GAREM2: variants seen among roughly 807,000 people sequenced by gnomAD.
The protein encoded by GAREM2 is GRB2 associated regulator of MAPK1 subtype 2.
In GAREM2, 30 loss-of-function variants were observed where a neutral mutation model predicts 55.6. The ratio of observed to expected loss-of-function variants is 0.54; its 90% confidence interval spans 0.40 to 0.73. The LOEUF (loss-of-function observed/expected upper bound fraction) is 0.73, where lower values mean the gene tolerates loss of function less well. GAREM2 is among the 30% of genes least tolerant of loss of function. The probability of loss-of-function intolerance (pLI) is 0.00; values close to 1 mark genes in which losing one functional copy is unlikely to be tolerated. For synonymous variants in GAREM2, 550 were observed against 569.1 expected (o/e 0.97, Z 0.48); for missense variants, 1,075 against 1,257.7 (o/e 0.85, Z 2.20).
intron 2 of GAREM2, among the ~76,000 whole-genome samples, chr2:26,178,562 C>T (rs1051437733): frequency 7.2e-5 from 11 of 151,916 alleles, no homozygotes; most frequent in African/African-American, 2.7e-4. Context: ...GCATTCCAGC[C>T]TGGGAGACAG....
chr2:26,182,230 G>A, intron 2 of GAREM2: 6 of 1,407,684 alleles, frequency 4.3e-6, no homozygotes, highest in Non-Finnish European at 3.7e-6. Context: ...TGTCTCCTAG[G>A]GGCATGTGCT....
intron 3 of GAREM2, among the ~76,000 whole-genome samples, chr2:26,183,466 GTAATCCCAACA>G (rs112116846): frequency 0.035 from 5,308 of 152,304 alleles, 316 homozygotes; most frequent in African/African-American, 0.12. Flanking sequence ...GCTCATGCCT[GTAATCCCAACA>G]CTTTGGGAGG....
At chr2:26,192,060 G>C (rs543412973), downstream of GAREM2, among the ~76,000 whole-genome samples, 7 of 152,164 alleles carry the variant, frequency 4.6e-5, no homozygotes, top group Non-Finnish European at 8.8e-5. Context: ...AGAGACCAAG[G>C]AGCACGTGCG....
At chr2:26,193,209 G>A (rs1231022030), downstream of GAREM2, among the ~76,000 whole-genome samples, 1 of 151,894 alleles carries the variant, frequency 6.6e-6, no homozygotes, top group Admixed American at 6.5e-5. Context: ...ACTTGGACCA[G>A]GTGATGCTAG....
At chr2:26,175,075 C>T (rs972695324) in intron 1 of GAREM2, among the ~76,000 whole-genome samples, 3 of 150,212 alleles carry the variant, frequency 2.0e-5, no homozygotes, top group Admixed American at 2.0e-4. Flanking sequence ...CGCCACCCTG[C>T]CACACACACA....
At chr2:26,190,975 G>T, downstream of GAREM2, 1 of 546,416 alleles carries the variant, frequency 1.8e-6, no homozygotes, top group Non-Finnish European at 3.3e-6. Flanking sequence ...GCAGAGAGGT[G>T]GCTTCAGATG....
At chr2:26,177,328 G>A (rs1668894855) in intron 2 of GAREM2, among the ~76,000 whole-genome samples, 1 of 152,178 alleles carries the variant, frequency 6.6e-6, no homozygotes, top group East Asian at 1.9e-4. Context: ...GTCCCCGTGT[G>A]AGCCCCGGAT....
the GAREM2 span, chr2:26,203,999 A>G: frequency 8.3e-6 from 13 of 1,564,944 alleles, no homozygotes; most frequent in East Asian, 2.2e-5. Context: ...AGCCACCACA[A>G]AAAACAACTA....
chr2:26,187,421 T>G lies in GAREM2; in HGVS notation c.1789T>G (p.Ser597Ala). The G allele has an allele frequency of 6.5e-7, 1 of 1,547,588 alleles. No homozygotes were observed. Among genetic ancestry groups the G allele is most frequent in the Non-Finnish European group, 8.7e-7 (1 of 1,145,058 alleles). Residue 597 changes from serine to alanine, a missense_variant, in exon 6 of 6, where the codon TCC becomes GCC. Transcript: ENST00000401533. ...LTEPLSGRAA[S>A]LLGADTPVKT... ...AGAGCCTCTGAGCGGTCGAGCCGCC[T>G]CCCTTCTGGGGGCTGACACCCCTGT...
chr2:26,198,300 T>C, the GAREM2 span, among the ~76,000 whole-genome samples: 1 of 152,084 alleles, frequency 6.6e-6, no homozygotes, highest in African/African-American at 2.4e-5. Flanking sequence ...CTATTAGCTT[T>C]ATCCACCTGG....
chr2:26,175,300 C>T (rs1019760516), intron 1 of GAREM2, among the ~76,000 whole-genome samples: 5 of 152,152 alleles, frequency 3.3e-5, no homozygotes, highest in Non-Finnish European at 5.9e-5. Context: ...CCCTCCTGCT[C>T]CCCTGGAAAC....
intron 2 of GAREM2, chr2:26,182,603 G>C (rs1417822233): frequency 2.8e-6 from 3 of 1,053,260 alleles, no homozygotes; most frequent in Non-Finnish European, 4.3e-6. Flanking sequence ...ACAGAGCAAG[G>C]AGCCAGCATC....
At chr2:26,183,432 C>T (rs1574591205) in intron 3 of GAREM2, among the ~76,000 whole-genome samples, 1 of 152,310 alleles carries the variant, frequency 6.6e-6, no homozygotes, top group Admixed American at 6.5e-5. Context: ...GTAAATAGAC[C>T]CCTGCTGTGG....
At chr2:26,177,998 T>C (rs1411060692) in intron 2 of GAREM2, among the ~76,000 whole-genome samples, 1 of 152,178 alleles carries the variant, frequency 6.6e-6, no homozygotes, top group Non-Finnish European at 1.5e-5. Flanking sequence ...GAAGGTCCCA[T>C]TGCTTCTTCA....
chr2:26,198,632 C>G, the GAREM2 span, among the ~76,000 whole-genome samples: 73 of 145,852 alleles, frequency 5.0e-4, no homozygotes, highest in Non-Finnish European at 8.5e-4. Context: ...GATTATAATG[C>G]AATAAAAGTA....
downstream of GAREM2, chr2:26,193,524 G>T: frequency 7.0e-7 from 1 of 1,431,156 alleles, no homozygotes; most frequent in Non-Finnish European, 9.9e-7. Context: ...CTCAGGAACT[G>T]CTTAGAACTT....
rs1668985623 is a variant in GAREM2 at position 26,179,843 on chromosome 2, A to T, written c.254-3124A>T. Among the ~76,000 whole-genome samples, 1 of 151,986 alleles carries T rather than the reference A, an allele frequency of 6.6e-6. No individual in the cohort carries two copies. Among genetic ancestry groups the T allele is most frequent in the South Asian group, 2.1e-4 (1 of 4,818 alleles). On this transcript the variant is annotated intron_variant, in intron 2 of 5. Coordinates refer to ENST00000401533, the MANE Select transcript of GAREM2 (RefSeq NM_001168241.2). The surrounding 1 kb of genome is among the most constrained non-coding windows in gnomAD (Gnocchi z 4.7). ...TCCTGCCACATCCTCCCCCAGCTCC[A>T]GCCCTGACTTGGCTCCAAGTCGCCC...
chr2:26,197,718 G>T, the GAREM2 span: 21 of 1,535,818 alleles, frequency 1.4e-5, no homozygotes, highest in Non-Finnish European at 1.3e-5. Context: ...TGACAGCAGC[G>T]ATTTCACTGA....
chr2:26,180,995 C>T (rs762298967), intron 2 of GAREM2: 17 of 985,620 alleles, frequency 1.7e-5, no homozygotes, highest in Non-Finnish European at 1.9e-5. Context: ...CCCCCTTCTT[C>T]TGTCACCCAA....
Sources: gnomAD v4.1 joint callset for allele counts (sites outside exome capture counted in the v4.1 genomes callset) on GRCh38, gnomAD v4.1.1 for gene constraint, Gnocchi (gnomAD v3.1) non-coding constraint, MANE v1.5 for transcripts, NCBI Gene and HGNC (gene_info 2026-07-23, HGNC 2026-07-21) for gene names.